Variants in KCNT2 observed in about 807,000 individuals in gnomAD.
The protein encoded by KCNT2 is potassium sodium-activated channel subfamily T member 2.
In KCNT2, 67 loss-of-function variants were observed where a neutral mutation model predicts 153.8. The observed-to-expected ratio is 0.44, with a 90% CI of 0.36 to 0.53. KCNT2 has a LOEUF of 0.53. KCNT2 is among the 20% of genes least tolerant of loss of function. The pLI is 0.00. For synonymous variants in KCNT2, 500 were observed against 458.8 expected (o/e 1.09, Z -1.15); for missense variants, 975 against 1,354.8 (o/e 0.72, Z 4.40).
At chr1:196,362,257 T>A (rs980294013) in intron 14 of KCNT2, among the ~76,000 whole-genome samples, 1 of 152,110 alleles carries the variant, frequency 6.6e-6, no homozygotes, top group Non-Finnish European at 1.5e-5. Context: ...GGAAACAAAG[T>A]CTTCCTGTCT....
chr1:196,268,495 C>T (rs890254934), intron 25 of KCNT2, among the ~76,000 whole-genome samples: 3 of 152,062 alleles, frequency 2.0e-5, no homozygotes, highest in Non-Finnish European at 4.4e-5. Context: ...ACAAGCTTCA[C>T]GGAGCATTTT....
intron 18 of KCNT2, among the ~76,000 whole-genome samples, chr1:196,328,057 C>T (rs1033467620): frequency 2.0e-5 from 3 of 151,916 alleles, no homozygotes; most frequent in Non-Finnish European, 2.9e-5. Context: ...ACAAAGACTA[C>T]GAATTTTGTG....
Position 196,305,233 on chromosome 1 carries a change from C to A in KCNT2, c.2595+1G>T. The A allele has an allele frequency of 6.4e-7, 1 of 1,565,280 alleles. No homozygotes were observed. The highest frequency in any genetic ancestry group is 8.8e-7 in the Non-Finnish European group (1 of 1,136,162). The stretch of plus-strand genomic sequence containing the variant: ...ATTTACTTGATAATGTGGGGTCTTA[C>A]CTTTTCCAGTTTTGAAAGAGCAAGA... On this transcript the variant is annotated splice_donor_variant, in intron 22 of 27. Transcript: ENST00000294725. LOFTEE classifies it high-confidence loss of function.
At chr1:196,458,829 A>G (rs1216751785) in intron 8 of KCNT2, among the ~76,000 whole-genome samples, 2 of 151,974 alleles carry the variant, frequency 1.3e-5, no homozygotes, top group Non-Finnish European at 2.9e-5. Flanking sequence ...AATATCCCAT[A>G]TACTCCCTAT....
intron 14 of KCNT2, among the ~76,000 whole-genome samples, chr1:196,370,026 T>C (rs982465944): frequency 1.3e-5 from 2 of 151,888 alleles, no homozygotes; most frequent in Non-Finnish European, 2.9e-5. Context: ...TGAGATACCA[T>C]CTCACACCAG....
intron 1 of KCNT2, among the ~76,000 whole-genome samples, chr1:196,567,458 T>A (rs1319289822): frequency 6.6e-6 from 1 of 152,172 alleles, no homozygotes; most frequent in African/African-American, 2.4e-5. Context: ...AAATCTCGGA[T>A]CTTCTATTTT....
At chr1:196,591,812 C>A (rs898982115) in intron 1 of KCNT2, among the ~76,000 whole-genome samples, 1 of 151,906 alleles carries the variant, frequency 6.6e-6, no homozygotes, top group Non-Finnish European at 1.5e-5. Context: ...AGGAGCTGAC[C>A]CTGGCTTCAT....
intron 21 of KCNT2, among the ~76,000 whole-genome samples, chr1:196,307,750 A>T (rs1484589491): frequency 6.6e-6 from 1 of 152,084 alleles, no homozygotes; most frequent in African/African-American, 2.4e-5. Context: ...AAAGTCACCC[A>T]TGATAGTGCA....
intron 26 of KCNT2, among the ~76,000 whole-genome samples, chr1:196,238,234 C>A (rs959979252): frequency 3.3e-5 from 5 of 151,874 alleles, no homozygotes; most frequent in African/African-American, 1.2e-4. Context: ...AAGCCAAATT[C>A]TATCGGTGAC....
In KCNT2 at chr1:196,429,592, C is replaced by T; in HGVS notation, c.804G>A (p.Val268=). The T allele has an allele frequency of 1.2e-6, 2 of 1,609,738 alleles. No individual in the cohort carries two copies. Among genetic ancestry groups the T allele is most frequent in the Non-Finnish European group, 1.7e-6 (2 of 1,178,244 alleles). ...TTTTGTTTACCTGTATGGGTAGAAC[C>T]ACAAGAGCAACACAAATCATAGCAA... ...FVVAMICVAL[V]VLPIQFEQLA... The change falls in exon 9 of 28, where the codon GTG becomes GTA. Residue 268 remains valine, a synonymous_variant. Transcript: ENST00000294725.
chr1:196,374,490 C>T (rs1668787056), intron 13 of KCNT2, among the ~76,000 whole-genome samples: 1 of 151,592 alleles, frequency 6.6e-6, no homozygotes, highest in Non-Finnish European at 1.5e-5. Context: ...TCAGGATTTA[C>T]TCAAAAATAC....
chr1:196,411,715 A>G (rs1470620141), intron 12 of KCNT2, among the ~76,000 whole-genome samples: 1 of 151,798 alleles, frequency 6.6e-6, no homozygotes, highest in African/African-American at 2.4e-5. Context: ...TACTTTTACT[A>G]AATTGATTTA....
chr1:196,576,485 A>G (rs1163895120), intron 1 of KCNT2, among the ~76,000 whole-genome samples: 5 of 152,176 alleles, frequency 3.3e-5, no homozygotes, highest in Non-Finnish European at 2.9e-5. Context: ...TAAAGTAGAT[A>G]CTGTCCTACA....
chr1:196,277,672 G>C (rs1308679213), intron 25 of KCNT2, among the ~76,000 whole-genome samples: 2 of 152,086 alleles, frequency 1.3e-5, no homozygotes, highest in Non-Finnish European at 2.9e-5. Flanking sequence ...CTGAAATCTA[G>C]TGTCTTTCTT....
chr1:196,570,127 T>G (rs920957804), intron 1 of KCNT2, among the ~76,000 whole-genome samples: 6 of 147,760 alleles, frequency 4.1e-5, no homozygotes, highest in African/African-American at 1.3e-4. Context: ...GGAGGCTTTG[T>G]GTAATGATAG....
chr1:196,441,279 T>C (rs569902430), intron 8 of KCNT2, among the ~76,000 whole-genome samples: 1 of 151,802 alleles, frequency 6.6e-6, no homozygotes, highest in South Asian at 2.1e-4. Flanking sequence ...ATTCATGGCA[T>C]ATATCATAGC....
Position 196,430,192 on chromosome 1 carries a change from G to A in KCNT2, c.639-435C>T, listed in dbSNP as rs116457740. Among the ~76,000 whole-genome samples, 774 of 151,774 alleles carry A rather than the reference G, an allele frequency of 5.1e-3. 6 individuals are homozygous for A. The highest frequency in any genetic ancestry group is 0.018 in the African/African-American group (744 of 41,370). ...AGAAGAGAAAGACAGTAAAAGGCTTGAGGAGTTAACAATTGCCAAATGCTA... is the reference window on the plus strand; with the variant it reads ...AGAAGAGAAAGACAGTAAAAGGCTTAAGGAGTTAACAATTGCCAAATGCTA... On this transcript the variant is annotated intron_variant, in intron 8 of 27. Coordinates refer to ENST00000294725, the MANE Select transcript of KCNT2 (RefSeq NM_198503.5).
At chr1:196,482,233 A>G in intron 4 of KCNT2, 98 bp downstream of exon 4, 2 of 743,482 alleles carry the variant, frequency 2.7e-6, no homozygotes, top group Non-Finnish European at 4.6e-6. Flanking sequence ...AGGCAGAAAG[A>G]CAAACTCATT....
intron 13 of KCNT2, among the ~76,000 whole-genome samples, chr1:196,378,625 G>A (rs942781845): frequency 1.0e-4 from 15 of 150,730 alleles, no homozygotes; most frequent in Admixed American, 1.0e-3. Flanking sequence ...CATAGTTCAA[G>A]CCTTTAGGCA....
Sources: gnomAD v4.1 joint callset for allele counts (sites outside exome capture counted in the v4.1 genomes callset) on GRCh38, gnomAD v4.1.1 for gene constraint, MANE v1.5 for transcripts, NCBI Gene and HGNC (gene_info 2026-07-23, HGNC 2026-07-21) for gene names.